RALGPS1: variants seen among roughly 807,000 people sequenced by gnomAD.
RALGPS1 encodes the protein Ral GEF with PH domain and SH3 binding motif 1.
In RALGPS1, 19 loss-of-function variants were observed where a neutral mutation model predicts 78.8. The ratio of observed to expected loss-of-function variants is 0.24; its 90% CI spans 0.17 to 0.35. The LOEUF is 0.35. RALGPS1 is among the 10% of genes least tolerant of loss of function. RALGPS1 has a pLI of 1.00. For missense variants in RALGPS1, 454 were observed against 688.3 expected, an observed-to-expected ratio of 0.66 and a Z score of 3.81; for synonymous variants, 228 against 256.3, an observed-to-expected ratio of 0.89 and a Z score of 1.06.
chr9:127,023,708 G>A (rs1388363967), intron 4 of RALGPS1, among the ~76,000 whole-genome samples: 1 of 152,110 alleles, frequency 6.6e-6, no homozygotes, highest in East Asian at 1.9e-4. Flanking sequence ...AGGCCCAGCT[G>A]GTCATGATTT....
chr9:126,926,431 C>T (rs2035287377), intron 1 of RALGPS1, among the ~76,000 whole-genome samples: 1 of 152,130 alleles, frequency 6.6e-6, no homozygotes, highest in Non-Finnish European at 1.5e-5. Flanking sequence ...AGGATACAGG[C>T]AGAGGAAACA....
intron 4 of RALGPS1, among the ~76,000 whole-genome samples, chr9:127,010,711 G>A (rs902106840): frequency 5.9e-5 from 9 of 152,252 alleles, no homozygotes; most frequent in African/African-American, 2.2e-4. Flanking sequence ...CCACAGAGGA[G>A]TCAGGGAATG....
At position 127,205,477 on chromosome 9, in the gene RALGPS1, GC is replaced by G. The variant is rs2061883520; in HGVS notation, c.1247+6413del. Among the ~76,000 whole-genome samples the G allele has an allele frequency of 6.6e-6, 1 of 152,208 alleles. No homozygotes were observed. The highest frequency in any genetic ancestry group is 2.4e-5 in the African/African-American group (1 of 41,458). ...GAGAAGAGTGCACAAAGAACCCCTGGCCTCTAGGTGCCAGGGCTTTTTGCTT... is the reference window on the plus strand; with the variant it reads ...GAGAAGAGTGCACAAAGAACCCCTGGCTCTAGGTGCCAGGGCTTTTTGCTT... On this transcript the variant is annotated intron_variant, in intron 14 of 18. Transcript: ENST00000259351. This position sits in a 1 kb window ranked among gnomAD's most constrained non-coding sequence, Gnocchi z 4.0.
At chr9:126,992,258 C>T (rs745685718) in intron 4 of RALGPS1, among the ~76,000 whole-genome samples, 11 of 152,114 alleles carry the variant, frequency 7.2e-5, no homozygotes, top group Non-Finnish European at 1.3e-4. Flanking sequence ...TTATTTTCAG[C>T]GTTATTGAGG....
intron 8 of RALGPS1, among the ~76,000 whole-genome samples, chr9:127,084,251 C>T (rs2051463463): frequency 6.6e-6 from 1 of 152,080 alleles, no homozygotes; most frequent in African/African-American, 2.4e-5. Context: ...CGCTGGATCC[C>T]GGCCAGTCCC....
intron 4 of RALGPS1, 69 bp from the exon 5 acceptor site, chr9:127,034,362 A>G (rs1372631195): frequency 2.1e-6 from 3 of 1,396,166 alleles, no homozygotes; most frequent in Non-Finnish European, 3.1e-6. Context: ...TCATGTTCCC[A>G]TTTAATGCCC....
chr9:127,222,325 G>A lies in RALGPS1; in HGVS notation c.*3556G>A, dbSNP rs2062793458. Reference sequence around the variant, plus strand: ...CCTCTTGGTCTGCGAAAATTCAGTTGCAATGAGGATGAAGTCACTATCCTA... The same window carrying A: ...CCTCTTGGTCTGCGAAAATTCAGTTACAATGAGGATGAAGTCACTATCCTA... On this transcript the variant is annotated 3_prime_UTR_variant, in exon 19 of 19. Transcript: ENST00000259351. 2 of 152,336 alleles carry A rather than the reference G, an allele frequency of 1.3e-5. No individual in the cohort carries two copies. The highest frequency in any genetic ancestry group is 4.8e-5 in the African/African-American group (2 of 41,554). The allele number at this position is 152,336 out of a possible 1,614,324, so 9.4% of individuals were successfully genotyped here.
At chr9:126,943,683 G>A (rs1022926538) in intron 1 of RALGPS1, among the ~76,000 whole-genome samples, 1 of 152,062 alleles carries the variant, frequency 6.6e-6, no homozygotes, top group African/African-American at 2.4e-5. Context: ...CTGTCACCTG[G>A]GGTGTGCCCT....
At chr9:127,173,737 G>A (rs929849061) in intron 10 of RALGPS1, among the ~76,000 whole-genome samples, 8 of 152,196 alleles carry the variant, frequency 5.3e-5, no homozygotes, top group East Asian at 3.8e-4. Flanking sequence ...GAGAGGCCAC[G>A]TGCGGTGGCT....
chr9:127,200,243 C>T lies in RALGPS1; in HGVS notation c.1247+1177C>T, dbSNP rs112385644. Reference sequence around the variant, plus strand: ...TTGGCCAGAGAGACGATAAGTGCTGCCTAGCAACTCCTCCCAGGGCAGACG... The same window carrying T: ...TTGGCCAGAGAGACGATAAGTGCTGTCTAGCAACTCCTCCCAGGGCAGACG... On this transcript the variant is annotated intron_variant, in intron 14 of 18. Coordinates refer to ENST00000259351, the MANE Select transcript of RALGPS1 (RefSeq NM_014636.3). 5.7e-3 allele frequency among the ~76,000 whole-genome samples: 868 copies of T among 152,344 alleles called. 28 individuals are homozygous for T. The East Asian group carries it at 0.091, about 16-fold the overall frequency.
chr9:126,969,112 A>G (rs185650010), intron 3 of RALGPS1, among the ~76,000 whole-genome samples: 36 of 152,374 alleles, frequency 2.4e-4, no homozygotes, highest in African/African-American at 8.4e-4. Flanking sequence ...ATTACTTGTA[A>G]TAATATGTTT....
chr9:127,146,605 G>A (rs553482246), intron 8 of RALGPS1, among the ~76,000 whole-genome samples: 1 of 149,112 alleles, frequency 6.7e-6, no homozygotes, highest in Admixed American at 6.7e-5. Flanking sequence ...GTGCAGTGGT[G>A]CAATCTCAGC....
chr9:126,928,479 C>G (rs2035503880), intron 1 of RALGPS1, among the ~76,000 whole-genome samples: 1 of 152,124 alleles, frequency 6.6e-6, no homozygotes, highest in Non-Finnish European at 1.5e-5. Flanking sequence ...TGTACCAGTA[C>G]AGAACATAAA....
chr9:127,030,690 A>G (rs969422236), intron 4 of RALGPS1, among the ~76,000 whole-genome samples: 5 of 152,090 alleles, frequency 3.3e-5, no homozygotes, highest in Admixed American at 2.0e-4. Context: ...TTAAAATGCT[A>G]GCAGGAAGGA....
In RALGPS1 at chr9:127,134,488, C is replaced by G. The variant is rs1405763235; in HGVS notation, c.611-31581C>G. 2.6e-5 allele frequency among the ~76,000 whole-genome samples: 4 copies of G among 152,174 alleles called. No homozygotes were observed. In the East Asian group the frequency reaches 7.7e-4, roughly 29 times the overall value. ...AAAAATCTATCAGTAATAATAGCAG[C>G]CATGCTACTGTGAAGTTGAGTATGA... On this transcript the variant is annotated intron_variant, in intron 8 of 18. Transcript: ENST00000259351.
intron 10 of RALGPS1, among the ~76,000 whole-genome samples, chr9:127,173,421 A>G (rs1280189948): frequency 6.6e-6 from 1 of 152,242 alleles, no homozygotes; most frequent in East Asian, 1.9e-4. Context: ...CAGTTTCAGA[A>G]TCCTCTTTTT....
intron 8 of RALGPS1, among the ~76,000 whole-genome samples, chr9:127,139,266 G>A (rs1291544455): frequency 6.6e-6 from 1 of 152,214 alleles, no homozygotes; most frequent in African/African-American, 2.4e-5. Context: ...CTGCTGACCT[G>A]CCATTCCTGG....
intron 4 of RALGPS1, among the ~76,000 whole-genome samples, chr9:127,012,955 C>T (rs2044486514): frequency 6.6e-6 from 1 of 152,040 alleles, no homozygotes; most frequent in South Asian, 2.1e-4. Flanking sequence ...AGAGATTTAC[C>T]TAAATAATTA....
intron 11 of RALGPS1, among the ~76,000 whole-genome samples, chr9:127,189,668 A>G (rs1025880489): frequency 9.2e-5 from 14 of 152,336 alleles, no homozygotes; most frequent in African/African-American, 3.4e-4. Flanking sequence ...GGCTATTTAC[A>G]AAGATGTGGG....
Sources: allele counts gnomAD v4.1 joint callset (sites outside exome capture counted in the v4.1 genomes callset), GRCh38; gene constraint gnomAD v4.1.1; non-coding constraint Gnocchi (gnomAD v3.1); transcripts MANE v1.5; gene names NCBI Gene and HGNC (gene_info 2026-07-23, HGNC 2026-07-21).